The following KLHDC4 variants were observed in gnomAD, a reference collection of about 807,000 sequenced individuals.
KLHDC4 encodes the protein kelch domain-containing protein 4.
A neutral mutation model predicts 62.4 loss-of-function variants in KLHDC4; 90 were observed. That is an observed-to-expected ratio of 1.44 (90% confidence interval 1.22 to 1.72). The LOEUF is 1.72. Among genes scored for constraint, KLHDC4 ranks in the 40% most tolerant of loss-of-function variants. The pLI is 0.00. For synonymous variants in KLHDC4, 386 were observed against 284.4 expected, an observed-to-expected ratio of 1.36 and a Z score of -3.59; for missense variants, 1,025 against 699.7, an observed-to-expected ratio of 1.47 and a Z score of -5.25.
chr16:87,752,338 C>CT (rs564903141), intron 4 of KLHDC4, among the ~76,000 whole-genome samples: 1,350 of 133,082 alleles, frequency 0.01, 10 homozygotes, highest in Non-Finnish European at 0.015. Context: ...ACTGTTTTTT[C>CT]TTTTTTTTTT....
chr16:87,729,567 G>C (rs1271511892), intron 6 of KLHDC4, among the ~76,000 whole-genome samples: 1 of 152,210 alleles, frequency 6.6e-6, no homozygotes, highest in Non-Finnish European at 1.5e-5. Flanking sequence ...TGCTTTTCTG[G>C]ACTGAACTAA....
chr16:87,757,138 GC>G (rs2045085392), intron 2 of KLHDC4, among the ~76,000 whole-genome samples: 1 of 151,684 alleles, frequency 6.6e-6, no homozygotes, highest in Non-Finnish European at 1.5e-5. Flanking sequence ...TCTTTTAAGA[GC>G]CTATCCTGTC....
downstream of KLHDC4, among the ~76,000 whole-genome samples, chr16:87,705,993 C>T (rs2034629051): frequency 2.0e-5 from 3 of 151,926 alleles, no homozygotes; most frequent in Admixed American, 2.0e-4. Context: ...AACACAAACA[C>T]AAGCTGCAGC....
At chr16:87,745,662 A>G (rs1401670079) in intron 5 of KLHDC4, among the ~76,000 whole-genome samples, 1 of 152,208 alleles carries the variant, frequency 6.6e-6, no homozygotes, top group Non-Finnish European at 1.5e-5. Flanking sequence ...GTTCACTCGC[A>G]CTGAAGGTCT....
At position 87,711,430 on chromosome 16, in the gene KLHDC4, C is replaced by G; in HGVS notation, c.849G>C (p.Trp283Cys). The G allele has an allele frequency of 6.2e-7, 1 of 1,610,518 alleles. No individual in the cohort carries two copies. The highest frequency in any genetic ancestry group is 8.5e-7 in the Non-Finnish European group (1 of 1,179,088). ...PEDGREDKWVWTRMNPSGVKP... is the reference protein window; with the variant it reads ...PEDGREDKWVCTRMNPSGVKP... Reference sequence around the variant, plus strand: ...TGACCCCCGAAGGGTTCATCCGAGTCCAAACCCACTTGTCTGTCAAAAGAG... The same window carrying G: ...TGACCCCCGAAGGGTTCATCCGAGTGCAAACCCACTTGTCTGTCAAAAGAG... Residue 283 changes from tryptophan to cysteine, a missense_variant, in exon 9 of 12, where the codon TGG (tryptophan) becomes TGC (cysteine). Coordinates refer to ENST00000270583, the MANE Select transcript of KLHDC4 (RefSeq NM_017566.4).
At chr16:87,708,752 T>G (rs1181857246) in intron 10 of KLHDC4, among the ~76,000 whole-genome samples, 1 of 152,132 alleles carries the variant, frequency 6.6e-6, no homozygotes, top group African/African-American at 2.4e-5. Flanking sequence ...GCTCACGGTG[T>G]TCTCACAAAA....
At chr16:87,749,581 T>C (rs1597326830) in intron 4 of KLHDC4, among the ~76,000 whole-genome samples, 1 of 134,232 alleles carries the variant, frequency 7.4e-6, no homozygotes, top group South Asian at 2.4e-4. Context: ...AGAAAGAAAG[T>C]GTTTATGTTT....
intron 5 of KLHDC4, among the ~76,000 whole-genome samples, chr16:87,732,171 C>T (rs1210526530): frequency 6.6e-6 from 1 of 151,818 alleles, no homozygotes; most frequent in Non-Finnish European, 1.5e-5. Context: ...TCTCGGCTCC[C>T]TGCAACCTCC....
chr16:87,707,902 C>G lies in KLHDC4; in HGVS notation c.*175G>C. ...ACTCAGTTGAACTTCCGGCCCAGTG[C>G]CGCGTCAGAGACTAAACCATGGGAG... On this transcript the variant is annotated 3_prime_UTR_variant, in exon 12 of 12. Transcript: ENST00000270583. The G allele has an allele frequency of 2.2e-6, 1 of 456,598 alleles. No individual in the cohort carries two copies. The highest frequency in any genetic ancestry group is 4.4e-6 in the Non-Finnish European group (1 of 226,888). 28.3% of individuals were successfully genotyped at this position (456,598 alleles called of 1,614,324 possible).
At chr16:87,747,507 T>C (rs2043213400) in intron 5 of KLHDC4, 1 of 152,142 alleles carries the variant, frequency 6.6e-6, no homozygotes, top group Admixed American at 6.5e-5. Context: ...TACGAACCTT[T>C]CTCAAAGCAA....
chr16:87,761,429 T>C (rs747524622), intron 2 of KLHDC4, among the ~76,000 whole-genome samples: 1 of 152,200 alleles, frequency 6.6e-6, no homozygotes, highest in Non-Finnish European at 1.5e-5. Flanking sequence ...CTGAGGGAAA[T>C]AAACCATTTC....
intron 5 of KLHDC4, among the ~76,000 whole-genome samples, chr16:87,731,436 A>G (rs988903011): frequency 1.3e-5 from 2 of 152,036 alleles, no homozygotes; most frequent in Admixed American, 6.6e-5. Flanking sequence ...ATTTGATCAG[A>G]AAGTTCGTAA....
chr16:87,747,746 C>T (rs1295245629), intron 5 of KLHDC4: 1 of 152,294 alleles, frequency 6.6e-6, no homozygotes, highest in African/African-American at 2.4e-5. Flanking sequence ...GGACTCAACA[C>T]CCTGACAAGG....
At chr16:87,725,040 T>C (rs1187202948) in intron 7 of KLHDC4, among the ~76,000 whole-genome samples, 1 of 152,026 alleles carries the variant, frequency 6.6e-6, no homozygotes, top group Non-Finnish European at 1.5e-5. Context: ...AACAGAAACA[T>C]GCAACACGTG....
At chr16:87,736,658 C>T (rs925381057) in intron 5 of KLHDC4, among the ~76,000 whole-genome samples, 2 of 152,166 alleles carry the variant, frequency 1.3e-5, no homozygotes, top group South Asian at 2.1e-4. Flanking sequence ...TGATTAGTAG[C>T]CGTCTCCAGA....
At chr16:87,732,087 G>A (rs1028547312) in intron 5 of KLHDC4, among the ~76,000 whole-genome samples, 3 of 142,264 alleles carry the variant, frequency 2.1e-5, no homozygotes, top group Non-Finnish European at 4.5e-5. Context: ...TTACATAAGT[G>A]TGCATATTTC....
chr16:87,761,669 C>CA (rs979922673), intron 2 of KLHDC4, among the ~76,000 whole-genome samples: 5 of 152,142 alleles, frequency 3.3e-5, no homozygotes, highest in Non-Finnish European at 5.9e-5. Context: ...CTCACTGGGG[C>CA]AAAACTTTCA....
At chr16:87,723,774 T>C (rs2038863561) in intron 7 of KLHDC4, among the ~76,000 whole-genome samples, 1 of 152,288 alleles carries the variant, frequency 6.6e-6, no homozygotes, top group Non-Finnish European at 1.5e-5. Flanking sequence ...CAGACCTATG[T>C]TCCTGCAGGC....
intron 4 of KLHDC4, among the ~76,000 whole-genome samples, chr16:87,753,760 C>T (rs1180068504): frequency 6.6e-6 from 1 of 150,498 alleles, no homozygotes; most frequent in Non-Finnish European, 1.5e-5. Flanking sequence ...AAGATCGCGC[C>T]ACTGCACTCC....
Sources: gnomAD v4.1 joint callset for allele counts (sites outside exome capture counted in the v4.1 genomes callset) on GRCh38, gnomAD v4.1.1 for gene constraint, MANE v1.5 for transcripts, NCBI Gene and HGNC (gene_info 2026-07-23, HGNC 2026-07-21) for gene names.